FPR3: variants seen among roughly 807,000 people sequenced by gnomAD.
FPR3 encodes the protein N-formyl peptide receptor 3.
For synonymous variants in FPR3, 135 were observed against 163.6 expected (o/e 0.83, Z 1.34); for missense variants, 346 against 443.2 (o/e 0.78, Z 1.97).
At chr19:51,800,430 C>G (rs986173881) in intron 1 of FPR3, among the ~76,000 whole-genome samples, 1 of 152,234 alleles carries the variant, frequency 6.6e-6, no homozygotes, top group African/African-American at 2.4e-5. Context: ...GTGCCCACCA[C>G]TGCTTACAGG....
At chr19:51,818,217 G>A (rs1424484142) in intron 1 of FPR3, among the ~76,000 whole-genome samples, 3 of 152,026 alleles carry the variant, frequency 2.0e-5, no homozygotes, top group Non-Finnish European at 4.4e-5. Flanking sequence ...AAAAAAGAAC[G>A]CCATGTATCT....
At chr19:51,820,408 T>A (rs1290046879) in intron 1 of FPR3, among the ~76,000 whole-genome samples, 1 of 152,182 alleles carries the variant, frequency 6.6e-6, no homozygotes, top group East Asian at 1.9e-4. Flanking sequence ...AAAATACACA[T>A]TGGTTGATAC....
At chr19:51,814,900 C>G (rs1321496941) in intron 1 of FPR3, among the ~76,000 whole-genome samples, 1 of 151,834 alleles carries the variant, frequency 6.6e-6, no homozygotes, top group Non-Finnish European at 1.5e-5. Flanking sequence ...ACCTCCACCT[C>G]CTGGGTTCAA....
intron 1 of FPR3, among the ~76,000 whole-genome samples, chr19:51,801,919 CCAGT>C (rs1393086135): frequency 8.6e-5 from 13 of 152,024 alleles, no homozygotes; most frequent in African/African-American, 3.1e-4. Context: ...CCTAAATTTC[CCAGT>C]CATACAGTCA....
chr19:51,796,202 G>A (rs998299126), intron 1 of FPR3, among the ~76,000 whole-genome samples: 2 of 152,276 alleles, frequency 1.3e-5, no homozygotes, highest in East Asian at 1.9e-4. Context: ...AGCTCAAGAC[G>A]AAGAGCACGG....
intron 1 of FPR3, chr19:51,805,286 T>C (rs2084051003): frequency 1.3e-5 from 2 of 152,208 alleles, no homozygotes; most frequent in Non-Finnish European, 2.9e-5. Context: ...AAAACAACAT[T>C]ACTCCAAGAA....
At chr19:51,819,459 G>T (rs1213831163) in intron 1 of FPR3, among the ~76,000 whole-genome samples, 2 of 152,118 alleles carry the variant, frequency 1.3e-5, no homozygotes, top group Non-Finnish European at 2.9e-5. Flanking sequence ...AGACAACCAA[G>T]AGTGGATTGT....
rs374599741 is a variant in FPR3 at position 51,795,616 on chromosome 19, C to T, written c.-11+285C>T. 9.8e-5 allele frequency among the ~76,000 whole-genome samples: 14 copies of T among 143,496 alleles called. 1 individual carries two copies. Among genetic ancestry groups the T allele is most frequent in the African/African-American group, 2.6e-4 (10 of 38,700 alleles). 94.1% of individuals were successfully genotyped at this position (143,496 alleles called of 152,430 possible). On this transcript the variant is annotated intron_variant, in intron 1 of 1. Transcript: ENST00000339223. ...GCAACCTCTGCCTCCCAGGTTCAAG[C>T]GATTCTCCTGCCTCAGCCTCCTGAG...
chr19:51,804,122 C>G (rs531526601), intron 1 of FPR3: 2 of 152,280 alleles, frequency 1.3e-5, no homozygotes, highest in African/African-American at 4.8e-5. Flanking sequence ...CCCTTCTTCA[C>G]TGCAGTGAAT....
At chr19:51,813,119 AACACACACACACACACACAC>A (rs35245083) in intron 1 of FPR3, among the ~76,000 whole-genome samples, 1 of 137,122 alleles carries the variant, frequency 7.3e-6, no homozygotes, top group Non-Finnish European at 1.6e-5. Context: ...GCTCTGTCTC[AACACACACACACACACACAC>A]ACACACACAC....
chr19:51,820,056 A>T (rs1199583688), intron 1 of FPR3, among the ~76,000 whole-genome samples: 2 of 152,242 alleles, frequency 1.3e-5, no homozygotes. Context: ...AGGCTAAAAA[A>T]TGCACATCTA....
At chr19:51,814,953 C>T (rs2084124017) in intron 1 of FPR3, among the ~76,000 whole-genome samples, 1 of 151,858 alleles carries the variant, frequency 6.6e-6, no homozygotes, top group South Asian at 2.1e-4. Flanking sequence ...GGGACTACAG[C>T]CGCCTGCCAC....
intron 1 of FPR3, among the ~76,000 whole-genome samples, chr19:51,802,080 A>T (rs1458656197): frequency 6.6e-6 from 1 of 152,194 alleles, no homozygotes; most frequent in Non-Finnish European, 1.5e-5. Flanking sequence ...TTACGGCCCA[A>T]TAGAAGTTGA....
At chr19:51,812,137 A>G (rs553111635) in intron 1 of FPR3, among the ~76,000 whole-genome samples, 1 of 152,260 alleles carries the variant, frequency 6.6e-6, no homozygotes, top group Non-Finnish European at 1.5e-5. Flanking sequence ...GACATAATAA[A>G]TAATACATTA....
intron 1 of FPR3, among the ~76,000 whole-genome samples, chr19:51,798,507 T>C (rs879488712): frequency 6.6e-6 from 1 of 151,932 alleles, no homozygotes; most frequent in African/African-American, 2.4e-5. Context: ...GTAAAAGAAA[T>C]AGGAGAAAAA....
intron 1 of FPR3, among the ~76,000 whole-genome samples, chr19:51,800,108 T>A (rs1050611846): frequency 6.6e-6 from 1 of 152,170 alleles, no homozygotes; most frequent in Non-Finnish European, 1.5e-5. Context: ...AAGGGTCCAG[T>A]CGCCTAACTC....
Position 51,802,937 on chromosome 19 carries a change from T to C in FPR3, c.-11+7606T>C, listed in dbSNP as rs539747716. Among the ~76,000 whole-genome samples the C allele has an allele frequency of 5.9e-5, 9 of 152,298 alleles. No homozygotes were observed. In the East Asian group the frequency reaches 9.6e-4, roughly 16 times the overall value. On this transcript the variant is annotated intron_variant, in intron 1 of 1. Coordinates refer to ENST00000339223, the MANE Select transcript of FPR3 (RefSeq NM_002030.5). ...TATGGTTCCTTTCATATAATAAGAATGTAAGCTGTCTGAGGGCAGGAATTG... is the reference window on the plus strand; with the variant it reads ...TATGGTTCCTTTCATATAATAAGAACGTAAGCTGTCTGAGGGCAGGAATTG...
chr19:51,806,885 T>C (rs76676259), intron 1 of FPR3, among the ~76,000 whole-genome samples: 1,947 of 152,362 alleles, frequency 0.013, 22 homozygotes, highest in Non-Finnish European at 0.02. Context: ...CAACATAAGC[T>C]GAACAAGAAG....
At chr19:51,818,202 G>A (rs754552470) in intron 1 of FPR3, among the ~76,000 whole-genome samples, 3 of 152,076 alleles carry the variant, frequency 2.0e-5, no homozygotes, top group Non-Finnish European at 4.4e-5. Context: ...CTAAGACTTA[G>A]TATGAAAAAA....
Sources: gnomAD v4.1 joint callset for allele counts (sites outside exome capture counted in the v4.1 genomes callset) on GRCh38, gnomAD v4.1.1 for gene constraint, MANE v1.5 for transcripts, NCBI Gene and HGNC (gene_info 2026-07-23, HGNC 2026-07-21) for gene names.